CUX1: variants seen among roughly 807,000 people sequenced by gnomAD.
CUX1 encodes the protein cut like homeobox 1, also known as protein CASP.
In CUX1, 31 loss-of-function variants were observed where a neutral mutation model predicts 158.8. That is an observed-to-expected ratio of 0.20 (90% CI 0.15 to 0.26). The LOEUF is 0.26. CUX1 is among the 10% of genes least tolerant of loss of function. CUX1 has a pLI of 1.00. For missense variants in CUX1, 1,589 were observed against 2,014.6 expected (o/e 0.79, Z 4.04); for synonymous variants, 879 against 862.1 (o/e 1.02, Z -0.34).
At chr7:102,037,999 G>T (rs1374611268) in intron 3 of CUX1, among the ~76,000 whole-genome samples, 1 of 150,738 alleles carries the variant, frequency 6.6e-6, no homozygotes, top group African/African-American at 2.4e-5. Context: ...AGGCTGCAGT[G>T]AGCTGAAAGC....
intron 10 of CUX1, among the ~76,000 whole-genome samples, chr7:102,171,448 T>C (rs1563346856): frequency 1.3e-5 from 2 of 151,424 alleles, no homozygotes; most frequent in African/African-American, 2.4e-5. Flanking sequence ...GGTTTTTTTT[T>C]TTTTTCTTTT....
At chr7:102,007,753 G>GT (rs559358298) in intron 2 of CUX1, among the ~76,000 whole-genome samples, 57 of 149,494 alleles carry the variant, frequency 3.8e-4, no homozygotes, top group Middle Eastern at 3.4e-3. Flanking sequence ...GTTTTGTTTT[G>GT]TTTTTTTTGA....
chr7:102,217,406 G>A (rs888300784), intron 20 of CUX1, among the ~76,000 whole-genome samples: 3 of 152,252 alleles, frequency 2.0e-5, no homozygotes, highest in African/African-American at 4.8e-5. Context: ...CTGGTTCTGC[G>A]CAGGTTCCCG....
intron 14 of CUX1, among the ~76,000 whole-genome samples, chr7:102,272,562 GCCGCACAGTCAA>G (rs533071181): frequency 6.8e-4 from 103 of 152,348 alleles, no homozygotes; most frequent in African/African-American, 2.3e-3. Flanking sequence ...GTGGCCCTGA[GCCGCACAGTCAA>G]CCAGAAACAG....
chr7:102,203,732 G>C (rs545429246), intron 18 of CUX1, among the ~76,000 whole-genome samples: 2 of 152,238 alleles, frequency 1.3e-5, no homozygotes, highest in East Asian at 1.9e-4. Context: ...TGTCCTGTGG[G>C]GGGTGTTTGT....
At chr7:101,896,164 G>A (rs1290043926) in intron 1 of CUX1, among the ~76,000 whole-genome samples, 3 of 151,968 alleles carry the variant, frequency 2.0e-5, no homozygotes, top group Non-Finnish European at 4.4e-5. Context: ...AAAGTGCTGG[G>A]ATTACAGGTG....
chr7:102,187,926 C>T (rs1166436626), intron 11 of CUX1, among the ~76,000 whole-genome samples: 2 of 152,084 alleles, frequency 1.3e-5, no homozygotes, highest in Non-Finnish European at 2.9e-5. Flanking sequence ...GTCAAGGGCA[C>T]CTACAGGCAT....
At chr7:101,946,544 CAA>C (rs386410843) in intron 2 of CUX1, among the ~76,000 whole-genome samples, 851 of 78,130 alleles carry the variant, frequency 0.011, 6 homozygotes, top group African/African-American at 0.043. Context: ...GACTCCGTCT[CAA>C]AAAAAAAAAA....
At chr7:102,148,291 C>T (rs1233644132) in intron 8 of CUX1, among the ~76,000 whole-genome samples, 5 of 152,170 alleles carry the variant, frequency 3.3e-5, no homozygotes, top group African/African-American at 1.2e-4. Context: ...GTGATCCTAA[C>T]ACCTTGGGAG....
intron 6 of CUX1, among the ~76,000 whole-genome samples, chr7:102,104,719 G>A (rs559723231): frequency 8.6e-5 from 13 of 151,972 alleles, no homozygotes; most frequent in South Asian, 2.1e-4. Context: ...GTGAAACCCC[G>A]TCTCTACTAA....
At chr7:102,154,635 G>A (rs148249921) in intron 8 of CUX1, among the ~76,000 whole-genome samples, 1 of 133,332 alleles carries the variant, frequency 7.5e-6, no homozygotes, top group African/African-American at 3.2e-5. Context: ...TAAATAAATA[G>A]CTAAAGACCA....
chr7:102,046,978 A>G (rs922690498), intron 3 of CUX1, among the ~76,000 whole-genome samples: 5 of 151,766 alleles, frequency 3.3e-5, no homozygotes, highest in Non-Finnish European at 7.4e-5. Context: ...TAGTGTTCCC[A>G]CCCCCAGGAT....
chr7:102,090,897 C>A (rs1330928838), intron 4 of CUX1, among the ~76,000 whole-genome samples: 1 of 152,046 alleles, frequency 6.6e-6, no homozygotes, highest in African/African-American at 2.4e-5. Context: ...AGTTAGTATG[C>A]CCAATTTATG....
chr7:102,223,067 G>A (rs1472129911), intron 20 of CUX1, among the ~76,000 whole-genome samples: 1 of 151,366 alleles, frequency 6.6e-6, no homozygotes, highest in African/African-American at 2.4e-5. Context: ...GCCTCCCAAA[G>A]TGCTGGGATT....
intron 14 of CUX1, among the ~76,000 whole-genome samples, chr7:102,266,684 C>T (rs1790835919): frequency 2.0e-5 from 3 of 152,092 alleles, no homozygotes; most frequent in African/African-American, 2.4e-5. Flanking sequence ...AGCAGCCAGC[C>T]GGGGAAGGAG....
chr7:102,037,083 T>A (rs1037958373), intron 3 of CUX1, among the ~76,000 whole-genome samples: 4 of 152,140 alleles, frequency 2.6e-5, no homozygotes, highest in African/African-American at 9.7e-5. Flanking sequence ...TCCCAGCCAC[T>A]TGGAAGGCTG....
intron 1 of CUX1, among the ~76,000 whole-genome samples, chr7:101,873,357 A>G (rs1337250201): frequency 3.1e-5 from 3 of 98,220 alleles, no homozygotes; most frequent in Admixed American, 1.6e-4. Context: ...CATATGTTTT[A>G]TTTTATTTTT....
chr7:101,908,363 C>T (rs1802997439), intron 1 of CUX1, among the ~76,000 whole-genome samples: 1 of 152,138 alleles, frequency 6.6e-6, no homozygotes, highest in Non-Finnish European at 1.5e-5. Context: ...CCAGGCTGGT[C>T]TGGAACTCCT....
chr7:101,992,361 C>CA (rs942085076), intron 2 of CUX1, among the ~76,000 whole-genome samples: 2 of 151,912 alleles, frequency 1.3e-5, no homozygotes, highest in African/African-American at 2.4e-5. Flanking sequence ...GTTAAAACTA[C>CA]AAAAAAAGGT....
Sources: allele counts gnomAD v4.1 joint callset (sites outside exome capture counted in the v4.1 genomes callset), GRCh38; gene constraint gnomAD v4.1.1; transcripts MANE v1.5; gene names NCBI Gene and HGNC (gene_info 2026-07-23, HGNC 2026-07-21).